The following TMEM132B variants were observed in gnomAD, a reference collection of about 807,000 sequenced individuals.
The protein encoded by TMEM132B is transmembrane protein 132B.
Under a neutral mutation model 90.8 loss-of-function variants are expected in TMEM132B, and 18 were observed. The ratio of observed to expected loss-of-function variants is 0.20; its 90% CI spans 0.14 to 0.29. The LOEUF (loss-of-function observed/expected upper bound fraction) is 0.29, where lower values mean the gene tolerates loss of function less well. TMEM132B is among the 10% of genes least tolerant of loss of function. The pLI, the probability that TMEM132B is intolerant of heterozygous loss-of-function variation, is 1.00. For synonymous variants in TMEM132B, 504 were observed against 523.3 expected (o/e 0.96, Z 0.50); for missense variants, 1,096 against 1,326.8 (o/e 0.83, Z 2.70).
intron 1 of TMEM132B, among the ~76,000 whole-genome samples, chr12:125,270,075 C>T (rs1874793388): frequency 1.3e-5 from 2 of 150,562 alleles, no homozygotes; most frequent in South Asian, 4.2e-4. Flanking sequence ...TGCAGCTAAG[C>T]ATGGCCAGAA....
chr12:125,418,086 T>G (rs1331727741), intron 3 of TMEM132B, among the ~76,000 whole-genome samples: 1 of 152,190 alleles, frequency 6.6e-6, no homozygotes, highest in African/African-American at 2.4e-5. Context: ...CCCCTTGCCC[T>G]CAGAAATCAC....
chr12:125,287,370 G>A (rs921341440), intron 1 of TMEM132B, among the ~76,000 whole-genome samples: 13 of 152,114 alleles, frequency 8.5e-5, no homozygotes, highest in Non-Finnish European at 7.3e-5. Context: ...TCTGGGAATT[G>A]GGACGTGGGC....
chr12:125,219,596 G>C (rs748451282), intron 1 of TMEM132B, among the ~76,000 whole-genome samples: 10 of 152,136 alleles, frequency 6.6e-5, no homozygotes, highest in Non-Finnish European at 1.3e-4. Flanking sequence ...CTCAAGACCT[G>C]GTCCTCCAAC....
chr12:125,539,161 G>T (rs1342507045), intron 4 of TMEM132B, among the ~76,000 whole-genome samples: 1 of 152,190 alleles, frequency 6.6e-6, no homozygotes, highest in Non-Finnish European at 1.5e-5. Flanking sequence ...CCATTGCATT[G>T]TGAATGACGC....
At chr12:125,425,611 C>A (rs1173033280) in intron 3 of TMEM132B, among the ~76,000 whole-genome samples, 1 of 152,184 alleles carries the variant, frequency 6.6e-6, no homozygotes, top group East Asian at 1.9e-4. Flanking sequence ...CCTCTCCCTC[C>A]TTCTCCCTGA....
chr12:125,652,877 T>C (rs945789909), intron 8 of TMEM132B, among the ~76,000 whole-genome samples: 5 of 152,260 alleles, frequency 3.3e-5, no homozygotes, highest in African/African-American at 1.2e-4. Context: ...CCTGGGCTTA[T>C]CTGTGACAGG....
intron 4 of TMEM132B, among the ~76,000 whole-genome samples, chr12:125,520,510 G>A (rs993320289): frequency 2.0e-5 from 3 of 150,306 alleles, no homozygotes; most frequent in Non-Finnish European, 2.9e-5. Flanking sequence ...CGAATCTCGA[G>A]TGTCTCAAGT....
At chr12:125,324,756 T>G (rs1443868726) in intron 1 of TMEM132B, among the ~76,000 whole-genome samples, 1 of 152,212 alleles carries the variant, frequency 6.6e-6, no homozygotes, top group Admixed American at 6.5e-5. Flanking sequence ...TTGCCTTTCA[T>G]GAAACTGGTC....
At chr12:125,507,960 G>A (rs1490373157) in intron 3 of TMEM132B, among the ~76,000 whole-genome samples, 1 of 152,100 alleles carries the variant, frequency 6.6e-6, no homozygotes, top group Non-Finnish European at 1.5e-5. Context: ...ACTTGGCCTA[G>A]GGCAGAAACA....
At chr12:125,344,486 A>G (rs1593095628) in intron 1 of TMEM132B, among the ~76,000 whole-genome samples, 1 of 152,182 alleles carries the variant, frequency 6.6e-6, no homozygotes, top group East Asian at 1.9e-4. Flanking sequence ...AGAACCTGCT[A>G]CAGGAAACTG....
In TMEM132B at chr12:125,512,220, C is replaced by T. The variant is rs1472388642; in HGVS notation, c.1107-7219C>T. On this transcript the variant is annotated intron_variant, in intron 3 of 8. Coordinates refer to ENST00000682704, the MANE Select transcript of TMEM132B (RefSeq NM_001366854.1). The stretch of plus-strand genomic sequence containing the variant: ...GCTCAGGCCTATTGGAAAGTTTCAA[C>T]CCTAATAAAGGGGACAGTGTTCTGC... Among the ~76,000 whole-genome samples the T allele has an allele frequency of 2.6e-5, 4 of 152,244 alleles. No homozygotes were observed. In the East Asian group the frequency reaches 7.7e-4, roughly 29 times the overall value.
Position 125,251,219 on chromosome 12 carries a change from A to G in TMEM132B, c.67+64353A>G, listed in dbSNP as rs2136102257. Among the ~76,000 whole-genome samples, 1 of 152,352 alleles carries G rather than the reference A, an allele frequency of 6.6e-6. No individual in the cohort carries two copies. Among genetic ancestry groups the G allele is most frequent in the East Asian group, 1.9e-4 (1 of 5,186 alleles). Reference sequence around the variant, plus strand: ...GGATTTGCTTCTCCATACATGGTGCATTTAGCTCAGAAAGTGAGATGATTT... The same window carrying G: ...GGATTTGCTTCTCCATACATGGTGCGTTTAGCTCAGAAAGTGAGATGATTT... On this transcript the variant is annotated intron_variant, in intron 1 of 8. Coordinates refer to ENST00000682704, the MANE Select transcript of TMEM132B (RefSeq NM_001366854.1). The surrounding 1 kb of genome is among the most constrained non-coding windows in gnomAD (Gnocchi z 4.4).
At position 125,415,273 on chromosome 12, in the gene TMEM132B, C is replaced by G. The variant is rs1274760900; in HGVS notation, c.960-258C>G. Among the ~76,000 whole-genome samples the G allele has an allele frequency of 6.6e-6, 1 of 152,192 alleles. No homozygotes were observed. Among genetic ancestry groups the G allele is most frequent in the Non-Finnish European group, 1.5e-5 (1 of 68,028 alleles). ...CCCTGGAGCAGCAAGTGATCTGGTTCCCAGCACACTGATTAAACAGAAAAT... is the reference window on the plus strand; with the variant it reads ...CCCTGGAGCAGCAAGTGATCTGGTTGCCAGCACACTGATTAAACAGAAAAT... On this transcript the variant is annotated intron_variant, in intron 2 of 8. Transcript: ENST00000682704. The surrounding 1 kb of genome is among the most constrained non-coding windows in gnomAD (Gnocchi z 5.3).
chr12:125,358,487 C>T (rs1174341632), intron 2 of TMEM132B, among the ~76,000 whole-genome samples: 1 of 152,132 alleles, frequency 6.6e-6, no homozygotes, highest in Non-Finnish European at 1.5e-5. Context: ...GTTGTTATAT[C>T]TTGCTTGTCT....
At chr12:125,635,474 TC>T (rs1886459241) in intron 5 of TMEM132B, among the ~76,000 whole-genome samples, 1 of 152,348 alleles carries the variant, frequency 6.6e-6, no homozygotes, top group Non-Finnish European at 1.5e-5. Flanking sequence ...CACAAACTCA[TC>T]CTTTCTTATG....
At chr12:125,359,421 G>A (rs1290293891) in intron 2 of TMEM132B, among the ~76,000 whole-genome samples, 1 of 151,850 alleles carries the variant, frequency 6.6e-6, no homozygotes, top group African/African-American at 2.4e-5. Flanking sequence ...TAACAATCCT[G>A]TTAAGATGTT....
intron 1 of TMEM132B, among the ~76,000 whole-genome samples, chr12:125,293,481 A>G (rs1875594335): frequency 1.3e-5 from 2 of 152,062 alleles, no homozygotes; most frequent in South Asian, 4.1e-4. Context: ...CCCAGCGTCT[A>G]TTGTTTTCAT....
chr12:125,615,660 T>G (rs1354402174), intron 5 of TMEM132B, among the ~76,000 whole-genome samples: 1 of 152,220 alleles, frequency 6.6e-6, no homozygotes, highest in Non-Finnish European at 1.5e-5. Context: ...CATATTTATG[T>G]CTTTAAATAT....
At chr12:125,399,361 G>C (rs766036670) in intron 2 of TMEM132B, among the ~76,000 whole-genome samples, 1 of 152,100 alleles carries the variant, frequency 6.6e-6, no homozygotes, top group Non-Finnish European at 1.5e-5. Context: ...CATGCCGTAG[G>C]CTGGGTCCAC....
Sources: gnomAD v4.1 joint callset for allele counts (sites outside exome capture counted in the v4.1 genomes callset) on GRCh38, gnomAD v4.1.1 for gene constraint, Gnocchi (gnomAD v3.1) non-coding constraint, MANE v1.5 for transcripts, NCBI Gene and HGNC (gene_info 2026-07-23, HGNC 2026-07-21) for gene names.